WDFY2: variants seen among roughly 807,000 people sequenced by gnomAD.
WDFY2 encodes the protein WD repeat and FYVE domain containing 2.
In WDFY2, 36 loss-of-function variants were observed where a neutral mutation model predicts 56.4. The ratio of observed to expected loss-of-function variants is 0.64; its 90% CI spans 0.49 to 0.84. The LOEUF (loss-of-function observed/expected upper bound fraction) is 0.84, where lower values mean the gene tolerates loss of function less well. WDFY2 is among the 40% of genes least tolerant of loss of function. The pLI is 0.00. For synonymous variants in WDFY2, 176 were observed against 183.7 expected (o/e 0.96, Z 0.34); for missense variants, 444 against 512.2 (o/e 0.87, Z 1.29).
At chr13:51,716,593 T>A (rs2138621214) in intron 4 of WDFY2, among the ~76,000 whole-genome samples, 1 of 145,774 alleles carries the variant, frequency 6.9e-6, no homozygotes, top group African/African-American at 2.5e-5. Context: ...CTTGGGAGGC[T>A]GAGGCAGGAG....
chr13:51,612,941 A>T (rs575204246), intron 1 of WDFY2, among the ~76,000 whole-genome samples: 1 of 152,188 alleles, frequency 6.6e-6, no homozygotes, highest in Non-Finnish European at 1.5e-5. Context: ...AATTCAATTT[A>T]AAAATATCTG....
At chr13:51,754,797 T>C (rs942458948) in intron 8 of WDFY2, among the ~76,000 whole-genome samples, 1 of 152,264 alleles carries the variant, frequency 6.6e-6, no homozygotes, top group African/African-American at 2.4e-5. Context: ...AACTCTGTGC[T>C]ATGATACTAT....
At chr13:51,751,474 C>A in intron 8 of WDFY2, 59 bp downstream of exon 8, 1 of 1,390,192 alleles carries the variant, frequency 7.2e-7, no homozygotes, top group Non-Finnish European at 1.0e-6. Context: ...TCCCTTCCTG[C>A]TTATTTCTTA....
chr13:51,739,595 T>TCA lies in WDFY2; in HGVS notation c.725+423_725+424dup, dbSNP rs531532972. On this transcript the variant is annotated intron_variant, in intron 7 of 11. Coordinates refer to ENST00000298125, the MANE Select transcript of WDFY2 (RefSeq NM_052950.4). ...CGGAAAAGAGGAGAGGTAAGATCCT[T>TCA]CACAGTACATTTTGTACTTGACCAA... Among the ~76,000 whole-genome samples, 39 of 152,340 alleles carry TCA rather than the reference T, an allele frequency of 2.6e-4. 1 individual carries two copies. In the South Asian group the frequency reaches 7.9e-3, roughly 31 times the overall value.
chr13:51,737,551 TA>T (rs67418551), intron 6 of WDFY2, among the ~76,000 whole-genome samples: 14,778 of 51,344 alleles, frequency 0.29, 997 homozygotes, highest in East Asian at 0.33. Context: ...ACAATGAATT[TA>T]AAAAAAAAAA....
At chr13:51,589,494 A>C (rs1198980155) in intron 1 of WDFY2, 3 of 152,118 alleles carry the variant, frequency 2.0e-5, no homozygotes, top group Non-Finnish European at 2.9e-5. Flanking sequence ...ATTTACCATT[A>C]ATTCTTTTTA....
intron 1 of WDFY2, among the ~76,000 whole-genome samples, 170 bp from the exon 2 acceptor site, chr13:51,660,426 C>G (rs1009904557): frequency 6.6e-6 from 1 of 151,824 alleles, no homozygotes; most frequent in South Asian, 2.1e-4. Flanking sequence ...TCTCGAACTC[C>G]TGACCTCAAG....
At chr13:51,674,638 G>A (rs2138500861) in intron 2 of WDFY2, among the ~76,000 whole-genome samples, 1 of 152,062 alleles carries the variant, frequency 6.6e-6, no homozygotes, top group Middle Eastern at 3.4e-3. Flanking sequence ...CACCCCCAAA[G>A]GCCAAAAGCA....
intron 1 of WDFY2, among the ~76,000 whole-genome samples, chr13:51,602,166 A>G (rs1954298595): frequency 6.6e-6 from 1 of 152,226 alleles, no homozygotes; most frequent in Admixed American, 6.5e-5. Context: ...TTGCATAGCA[A>G]CATTTCTATC....
At position 51,759,817 on chromosome 13, in the gene WDFY2, G is replaced by T; in HGVS notation, c.*48G>T. ...GATAGTATTTACTAAAGAAACGGTT[G>T]TTTTAACCCAAATCATTACCAGAGT... On this transcript the variant is annotated 3_prime_UTR_variant, in exon 12 of 12. Transcript: ENST00000298125. The T allele has an allele frequency of 6.3e-7, 1 of 1,575,674 alleles. No individual in the cohort carries two copies. Among genetic ancestry groups the T allele is most frequent in the Non-Finnish European group, 8.7e-7 (1 of 1,148,092 alleles).
chr13:51,660,242 G>GC (rs1421422938), intron 1 of WDFY2, among the ~76,000 whole-genome samples: 3 of 151,658 alleles, frequency 2.0e-5, no homozygotes, highest in African/African-American at 7.3e-5. Flanking sequence ...TGTTACCCAG[G>GC]CTGGAGTGCA....
At chr13:51,748,009 G>A (rs1953142500) in intron 7 of WDFY2, among the ~76,000 whole-genome samples, 1 of 152,180 alleles carries the variant, frequency 6.6e-6, no homozygotes, top group Non-Finnish European at 1.5e-5. Context: ...GGGTTCCCTT[G>A]TCCTTTGTTC....
chr13:51,623,471 G>T (rs1954780592), intron 1 of WDFY2, among the ~76,000 whole-genome samples: 1 of 152,090 alleles, frequency 6.6e-6, no homozygotes, highest in African/African-American at 2.4e-5. Context: ...TGAGGATTCA[G>T]TGAGTTAATT....
intron 1 of WDFY2, among the ~76,000 whole-genome samples, chr13:51,601,607 G>T (rs1388092314): frequency 2.0e-5 from 3 of 152,012 alleles, no homozygotes; most frequent in African/African-American, 7.2e-5. Flanking sequence ...TACAGACGGG[G>T]GTTTTACCAC....
At chr13:51,753,748 G>GGTGTGT (rs553968555) in intron 8 of WDFY2, among the ~76,000 whole-genome samples, 23 of 151,042 alleles carry the variant, frequency 1.5e-4, no homozygotes, top group African/African-American at 5.1e-4. Flanking sequence ...CCTTATAAAA[G>GGTGTGT]GTGTGTGTGT....
At chr13:51,620,585 T>A (rs1413842565) in intron 1 of WDFY2, among the ~76,000 whole-genome samples, 3 of 152,166 alleles carry the variant, frequency 2.0e-5, no homozygotes, top group Non-Finnish European at 2.9e-5. Flanking sequence ...CCAGCCCGTC[T>A]GCACCTGCTC....
intron 1 of WDFY2, among the ~76,000 whole-genome samples, chr13:51,610,479 G>A (rs1412493467): frequency 6.6e-6 from 1 of 152,124 alleles, no homozygotes; most frequent in Non-Finnish European, 1.5e-5. Context: ...GTACCCAGGT[G>A]ATGAATATTA....
At chr13:51,673,063 T>C (rs1955831379) in intron 2 of WDFY2, among the ~76,000 whole-genome samples, 1 of 152,310 alleles carries the variant, frequency 6.6e-6, no homozygotes, top group Middle Eastern at 3.4e-3. Flanking sequence ...TTTAATTCCA[T>C]GATGGCAGCA....
intron 1 of WDFY2, among the ~76,000 whole-genome samples, chr13:51,618,849 C>T (rs1954672894): frequency 1.3e-5 from 2 of 152,326 alleles, no homozygotes; most frequent in South Asian, 4.1e-4. Flanking sequence ...TTCTCCCTGC[C>T]TTTTGCCATT....
Sources: allele counts gnomAD v4.1 joint callset (sites outside exome capture counted in the v4.1 genomes callset), GRCh38; gene constraint gnomAD v4.1.1; transcripts MANE v1.5; gene names NCBI Gene and HGNC (gene_info 2026-07-23, HGNC 2026-07-21).